The following LPCAT4 variants were observed in gnomAD, a reference collection of about 807,000 sequenced individuals.
LPCAT4 encodes lysophospholipid acyltransferase LPCAT4.
Under a neutral mutation model 66.5 loss-of-function variants are expected in LPCAT4, and 30 were observed. The observed-to-expected ratio is 0.45, with a 90% CI of 0.34 to 0.61. The LOEUF (loss-of-function observed/expected upper bound fraction) is 0.61. Among genes scored for constraint, LPCAT4 ranks in the 20% least tolerant of loss-of-function variants. LPCAT4 has a pLI of 0.01. For missense variants in LPCAT4, 557 were observed against 656.7 expected (o/e 0.85, Z 1.66); for synonymous variants, 253 against 262.1 (o/e 0.97, Z 0.34).
In LPCAT4 at chr15:34,363,556, C is replaced by T. The variant is rs1890999715; in HGVS notation, c.712-100G>A. On this transcript the variant is annotated intron_variant, in intron 6 of 13. Coordinates refer to ENST00000314891, the MANE Select transcript of LPCAT4 (RefSeq NM_153613.3). The surrounding 1 kb of genome is among the most constrained non-coding windows in gnomAD (Gnocchi z 4.3). Reference sequence around the variant, plus strand: ...GAGGGCCTGATCCCACCTCTGGTCACAGCCCCCAATGCACATCCCATTAAA... The same window carrying T: ...GAGGGCCTGATCCCACCTCTGGTCATAGCCCCCAATGCACATCCCATTAAA... The T allele has an allele frequency of 1.3e-6, 2 of 1,594,810 alleles. No homozygotes were observed. Among genetic ancestry groups the T allele is most frequent in the Non-Finnish European group, 1.7e-6 (2 of 1,163,188 alleles).
intron 1 of LPCAT4, 23 bp from the exon 2 acceptor site, chr15:34,365,724 C>G: frequency 6.2e-7 from 1 of 1,612,114 alleles, no homozygotes; most frequent in Non-Finnish European, 8.5e-7. Context: ...GGAGAGAATG[C>G]CACTTTAGAG....
intron 11 of LPCAT4, chr15:34,360,837 G>C (rs1890925592): frequency 6.5e-6 from 1 of 154,108 alleles, no homozygotes; most frequent in Non-Finnish European, 1.4e-5. Context: ...ACTGTTGGTT[G>C]TTCATAAGCA....
chr15:34,359,695 G>A lies in LPCAT4; in HGVS notation c.1293C>T (p.Asp431=), dbSNP rs748271855. Residue 431 remains aspartate, a synonymous_variant, in exon 13 of 14, where the codon GAC becomes GAT. Coordinates refer to ENST00000314891, the MANE Select transcript of LPCAT4 (RefSeq NM_153613.3). ...GCAGGTGCAGGATGGTGCTGAAGCC[G>A]TCTTTGTACAGCAGGCGGTTGGGAC... The part of the protein sequence containing the change: ...AEGPNRLLYK[D]GFSTILHLLL... The A allele has an allele frequency of 9.9e-6, 16 of 1,613,798 alleles. No individual in the cohort carries two copies. Among genetic ancestry groups the A allele is most frequent in the South Asian group, 8.8e-5 (8 of 91,024 alleles).
At chr15:34,359,956 G>T in intron 12 of LPCAT4, 155 bp downstream of exon 12, 1 of 803,840 alleles carries the variant, frequency 1.2e-6, no homozygotes, top group Non-Finnish European at 2.0e-6. Flanking sequence ...TCAACATAGA[G>T]GCCGGGGGTC....
At chr15:34,366,538 A>G (rs1891080990) in intron 1 of LPCAT4, among the ~76,000 whole-genome samples, 1 of 152,004 alleles carries the variant, frequency 6.6e-6, no homozygotes, top group Non-Finnish European at 1.5e-5. Flanking sequence ...GAGTGTAGGA[A>G]GGGCACAGGG....
rs879505656 is a variant in LPCAT4 at position 34,366,427 on chromosome 15, G to A, written c.114+560C>T. ...CTCCCAGCTCCCCTAGGCTGGCGCG[G>A]CCCTCCACTTCCTGTAGCCAACCTC... On this transcript the variant is annotated intron_variant, in intron 1 of 13. Coordinates refer to ENST00000314891, the MANE Select transcript of LPCAT4 (RefSeq NM_153613.3). 4.6e-5 allele frequency among the ~76,000 whole-genome samples: 7 copies of A among 152,220 alleles called. No individual in the cohort carries two copies. In the East Asian group the frequency reaches 7.7e-4, roughly 17 times the overall value.
In LPCAT4 at chr15:34,363,808, G is replaced by T; in HGVS notation, c.653-89C>A. 6.8e-7 allele frequency: 1 copy of T among 1,470,150 alleles called. No homozygotes were observed. The highest frequency in any genetic ancestry group is 1.4e-5 in the African/African-American group (1 of 72,140). 91.1% of individuals were successfully genotyped at this position (1,470,150 alleles called of 1,614,324 possible). On this transcript the variant is annotated intron_variant, in intron 5 of 13. Transcript: ENST00000314891. The surrounding 1 kb of genome is among the most constrained non-coding windows in gnomAD (Gnocchi z 4.3). ...GCATGAGGTATGGCAGTCTGGGACAGTTCTCAAATGAGATATGGTTTTGTT... is the reference window on the plus strand; with the variant it reads ...GCATGAGGTATGGCAGTCTGGGACATTTCTCAAATGAGATATGGTTTTGTT...
At chr15:34,362,759 C>A in intron 8 of LPCAT4, 23 bp downstream of exon 8, 28 of 1,613,976 alleles carry the variant, frequency 1.7e-5, no homozygotes, top group Non-Finnish European at 2.3e-5. Flanking sequence ...GTACTTCTCC[C>A]ACCGCCCCCA....
In LPCAT4 at chr15:34,363,866, G is replaced by A. The variant is rs546042467; in HGVS notation, c.652+147C>T. 18 of 1,276,534 alleles carry A rather than the reference G, an allele frequency of 1.4e-5. No homozygotes were observed. The highest frequency in any genetic ancestry group is 3.5e-5 in the Admixed American group (2 of 56,800). 79.1% of individuals were successfully genotyped at this position (1,276,534 alleles called of 1,614,324 possible). A position where few individuals can be genotyped will look rare whatever the true frequency, so the allele number is the denominator to read the frequency against. On this transcript the variant is annotated intron_variant, in intron 5 of 13. Transcript: ENST00000314891. The surrounding 1 kb of genome is among the most constrained non-coding windows in gnomAD (Gnocchi z 4.3). Reference sequence around the variant, plus strand: ...TTGATAATTTTCTCTCTGACTCCTCGACTTGACAGCATTAGCTAGGAGGTT... The same window carrying A: ...TTGATAATTTTCTCTCTGACTCCTCAACTTGACAGCATTAGCTAGGAGGTT...
intron 11 of LPCAT4, 109 bp from the exon 12 acceptor site, chr15:34,360,318 G>T: frequency 1.3e-6 from 1 of 796,810 alleles, no homozygotes; most frequent in Non-Finnish European, 2.1e-6. Context: ...TGATCCCTGT[G>T]ACTGCTCCCC....
intron 11 of LPCAT4, chr15:34,360,865 T>C (rs1205616115): frequency 6.5e-6 from 1 of 154,050 alleles, no homozygotes; most frequent in African/African-American, 2.4e-5. Context: ...TCTTTTAGGA[T>C]TTTTGGAAGT....
intron 12 of LPCAT4, 45 bp downstream of exon 12, chr15:34,360,066 G>A (rs941825102): frequency 4.8e-6 from 7 of 1,467,808 alleles, no homozygotes; most frequent in Middle Eastern, 1.8e-4. Flanking sequence ...GGAGCGGGGT[G>A]AGCATAGCCA....
At chr15:34,364,758 A>G in intron 3 of LPCAT4, 1 of 464,132 alleles carries the variant, frequency 2.2e-6, no homozygotes, top group Non-Finnish European at 3.8e-6. Context: ...CTGGCCTGTT[A>G]TCTTTGCCCT....
chr15:34,359,811 A>G, intron 12 of LPCAT4, 66 bp from the exon 13 acceptor site: 1 of 1,501,352 alleles, frequency 6.7e-7, no homozygotes, highest in Admixed American at 2.1e-5. Flanking sequence ...TGCCCCACAG[A>G]CTGGCCTGAC....
chr15:34,360,141 G>A lies in LPCAT4; in HGVS notation c.1212C>T (p.Ser404=), dbSNP rs1306366260. The change falls in exon 12 of 14, where the codon AGC becomes AGT. Residue 404 remains serine, a synonymous_variant. Transcript: ENST00000314891. ...AGGCCAGACGAGTTAGCTCTTCCAGGCTCCTGCCCCCATCCAGAGCTGCTA... is the reference window on the plus strand; with the variant it reads ...AGGCCAGACGAGTTAGCTCTTCCAGACTCCTGCCCCCATCCAGAGCTGCTA... ...LALAALDGGR[S]LEELTRLAFE... 6.2e-7 allele frequency: 1 copy of A among 1,613,104 alleles called. No homozygotes were observed.
At chr15:34,361,838 T>C (rs1170078886) in intron 10 of LPCAT4, among the ~76,000 whole-genome samples, 2 of 152,208 alleles carry the variant, frequency 1.3e-5, no homozygotes, top group African/African-American at 2.4e-5. Flanking sequence ...TAGCTGGGAT[T>C]ACAGGCATGT....
chr15:34,360,255 C>T (rs904778787), intron 11 of LPCAT4, 46 bp from the exon 12 acceptor site: 1 of 1,467,764 alleles, frequency 6.8e-7, no homozygotes, highest in East Asian at 2.3e-5. Flanking sequence ...CCTGCGCCTC[C>T]CTTCCTGCTC....
intron 10 of LPCAT4, among the ~76,000 whole-genome samples, chr15:34,361,862 G>A (rs1890953174): frequency 6.6e-6 from 1 of 152,110 alleles, no homozygotes; most frequent in Admixed American, 6.5e-5. Context: ...ACCAAACCCG[G>A]CAAATTTTGT....
At position 34,364,421 on chromosome 15, in the gene LPCAT4, T is replaced by TTC. The variant is rs1891022761; in HGVS notation, c.479-116_479-115insGA. The TTC allele has an allele frequency of 4.8e-6, 3 of 622,352 alleles. No individual in the cohort carries two copies. In the East Asian group the frequency reaches 8.7e-5, roughly 18 times the overall value. 38.6% of individuals were successfully genotyped at this position (622,352 alleles called of 1,614,324 possible). A position where few individuals can be genotyped will look rare whatever the true frequency, so the allele number is the denominator to read the frequency against. Reference sequence around the variant, plus strand: ...AAGTTTCTGTTATCTCTTTTTTTTTTTTTTCTGTTGTTGTTGTTTGAGACA... The same window carrying TTC: ...AAGTTTCTGTTATCTCTTTTTTTTTTTCTTTTCTGTTGTTGTTGTTTGAGACA... On this transcript the variant is annotated intron_variant, in intron 3 of 13. Transcript: ENST00000314891.
Sources: gnomAD v4.1 joint callset for allele counts (sites outside exome capture counted in the v4.1 genomes callset) on GRCh38, gnomAD v4.1.1 for gene constraint, Gnocchi (gnomAD v3.1) non-coding constraint, MANE v1.5 for transcripts, NCBI Gene and HGNC (gene_info 2026-07-23, HGNC 2026-07-21) for gene names.